Variants in RAP1A observed in about 807,000 individuals in gnomAD.
RAP1A encodes ras-related protein Rap-1A.
In RAP1A, 6 loss-of-function variants were observed where a neutral mutation model predicts 26.4. The ratio of observed to expected loss-of-function variants is 0.23; its 90% CI spans 0.12 to 0.45. The LOEUF (loss-of-function observed/expected upper bound fraction) is 0.45, where lower values mean the gene tolerates loss of function less well. RAP1A is among the 20% of genes least tolerant of loss of function. RAP1A has a pLI of 0.99. For missense variants in RAP1A, 121 were observed against 217.2 expected (o/e 0.56, Z 2.78); for synonymous variants, 73 against 79.4 (o/e 0.92, Z 0.43).
intron 1 of RAP1A, among the ~76,000 whole-genome samples, chr1:111,646,430 AAAAAC>A (rs1185260753): frequency 3.7e-5 from 5 of 135,328 alleles, no homozygotes; most frequent in African/African-American, 1.3e-4. Flanking sequence ...TAAAAAAAAA[AAAAAC>A]AAAACAAAAC....
intron 4 of RAP1A, 71 bp from the exon 5 acceptor site, chr1:111,703,265 C>T: frequency 9.8e-7 from 1 of 1,024,534 alleles, no homozygotes; most frequent in Non-Finnish European, 1.3e-6. Flanking sequence ...TGTAATTATG[C>T]TGTTTTAAAT....
intron 1 of RAP1A, among the ~76,000 whole-genome samples, chr1:111,689,704 CTG>C (rs372910644): frequency 6.6e-4 from 101 of 152,270 alleles, no homozygotes; most frequent in African/African-American, 2.2e-3. Flanking sequence ...CAGTCTCGCT[CTG>C]TCGCCCAGGC....
At chr1:111,551,077 A>G (rs1657236359) in intron 1 of RAP1A, among the ~76,000 whole-genome samples, 1 of 152,184 alleles carries the variant, frequency 6.6e-6, no homozygotes, top group African/African-American at 2.4e-5. Flanking sequence ...TACTGTTTGC[A>G]GGAAATACTT....
At chr1:111,601,497 G>A (rs1468246634) in intron 1 of RAP1A, among the ~76,000 whole-genome samples, 1 of 152,190 alleles carries the variant, frequency 6.6e-6, no homozygotes, top group African/African-American at 2.4e-5. Flanking sequence ...CGTGAATGGG[G>A]GTAAAGGGAT....
At chr1:111,673,516 T>C (rs1031976439) in intron 1 of RAP1A, among the ~76,000 whole-genome samples, 1 of 152,230 alleles carries the variant, frequency 6.6e-6, no homozygotes, top group Non-Finnish European at 1.5e-5. Context: ...ATGTTAGAAG[T>C]AGGCTTCCTG....
rs115544118 is a variant in RAP1A, at chr1:111,593,227, C to T, written c.-28+50718C>T. Among the ~76,000 whole-genome samples, 848 of 152,200 alleles carry T rather than the reference C, an allele frequency of 5.6e-3. 3 individuals carry two copies. Among genetic ancestry groups the T allele is most frequent in the Non-Finnish European group, 9.3e-3 (631 of 68,000 alleles). On this transcript the variant is annotated intron_variant, in intron 1 of 7. Transcript: ENST00000356415. ...TCTAGTAAAAATCAGCTAGACAAGTCGCCTAACTGCCGTTCTCTTGTGTTT... is the reference window on the plus strand; with the variant it reads ...TCTAGTAAAAATCAGCTAGACAAGTTGCCTAACTGCCGTTCTCTTGTGTTT...
At chr1:111,635,848 C>T (rs1659714556) in intron 1 of RAP1A, among the ~76,000 whole-genome samples, 1 of 152,076 alleles carries the variant, frequency 6.6e-6, no homozygotes, top group South Asian at 2.1e-4. Flanking sequence ...GTTGGAATTA[C>T]AGGTGTGAGC....
intron 1 of RAP1A, among the ~76,000 whole-genome samples, chr1:111,640,766 C>A (rs1364898225): frequency 6.6e-6 from 1 of 152,066 alleles, no homozygotes; most frequent in Non-Finnish European, 1.5e-5. Context: ...TTGAGACCAG[C>A]CTGAGCAACA....
chr1:111,561,828 C>T (rs1297442577), intron 1 of RAP1A, among the ~76,000 whole-genome samples: 1 of 152,102 alleles, frequency 6.6e-6, no homozygotes, highest in African/African-American at 2.4e-5. Context: ...ATTTAATCCC[C>T]TTTCTCCATT....
intron 1 of RAP1A, among the ~76,000 whole-genome samples, chr1:111,570,330 G>T (rs911950613): frequency 3.9e-5 from 6 of 152,194 alleles, no homozygotes; most frequent in African/African-American, 1.4e-4. Context: ...AAGGTTGAAG[G>T]TTGGGCACCT....
At chr1:111,547,729 AATG>A (rs1350737527) in intron 1 of RAP1A, among the ~76,000 whole-genome samples, 2 of 152,208 alleles carry the variant, frequency 1.3e-5, no homozygotes, top group African/African-American at 4.8e-5. Context: ...ATGGATGCCT[AATG>A]ATTTCCCTTC....
chr1:111,678,659 A>G (rs1361399813), intron 1 of RAP1A, among the ~76,000 whole-genome samples: 2 of 152,186 alleles, frequency 1.3e-5, no homozygotes, highest in Non-Finnish European at 2.9e-5. Context: ...AACATAGAAA[A>G]GTTACAGTAA....
At chr1:111,666,176 A>G (rs1338980671) in intron 1 of RAP1A, among the ~76,000 whole-genome samples, 1 of 152,178 alleles carries the variant, frequency 6.6e-6, no homozygotes. Flanking sequence ...TACAAGTGTT[A>G]TTTGCCTCAT....
intron 1 of RAP1A, among the ~76,000 whole-genome samples, chr1:111,677,952 A>G (rs1303919694): frequency 6.6e-6 from 1 of 152,198 alleles, no homozygotes; most frequent in African/African-American, 2.4e-5. Flanking sequence ...TTAAAAATGA[A>G]TTAATGTGTT....
chr1:111,607,650 G>C (rs766199708), intron 1 of RAP1A, among the ~76,000 whole-genome samples: 80 of 121,794 alleles, frequency 6.6e-4, no homozygotes, highest in Admixed American at 1.7e-3. Flanking sequence ...GGCTGACCCC[G>C]CCACGTCCCT....
chr1:111,633,160 A>T (rs1314263357), intron 1 of RAP1A, among the ~76,000 whole-genome samples: 1 of 152,166 alleles, frequency 6.6e-6, no homozygotes. Context: ...TCTATAAAAG[A>T]TAACTTTATG....
At chr1:111,667,320 T>G (rs1383338781) in intron 1 of RAP1A, among the ~76,000 whole-genome samples, 1 of 152,212 alleles carries the variant, frequency 6.6e-6, no homozygotes, top group African/African-American at 2.4e-5. Context: ...ACTTTTATTA[T>G]AGATTATATT....
intron 1 of RAP1A, among the ~76,000 whole-genome samples, chr1:111,568,248 G>A (rs1657969273): frequency 2.0e-5 from 3 of 152,194 alleles, no homozygotes; most frequent in African/African-American, 7.2e-5. Context: ...TCATGGTTCT[G>A]CAGGCTGTAC....
At chr1:111,654,298 A>AC (rs990600722) in intron 1 of RAP1A, among the ~76,000 whole-genome samples, 11 of 151,082 alleles carry the variant, frequency 7.3e-5, no homozygotes, top group African/African-American at 2.4e-4. Context: ...CTTCAAACAA[A>AC]CCCCCCTCTT....
Sources: gnomAD v4.1 joint callset for allele counts (sites outside exome capture counted in the v4.1 genomes callset) on GRCh38, gnomAD v4.1.1 for gene constraint, MANE v1.5 for transcripts, NCBI Gene and HGNC (gene_info 2026-07-23, HGNC 2026-07-21) for gene names.